Variants in FSTL5 observed in about 807,000 individuals in gnomAD.
FSTL5 encodes follistatin like 5.
A neutral mutation model predicts 89.1 loss-of-function variants in FSTL5; 62 were observed. That is an observed-to-expected ratio of 0.70 (90% CI 0.57 to 0.86). FSTL5 has a LOEUF of 0.86. Among genes scored for constraint, FSTL5 ranks in the 40% least tolerant of loss-of-function variants. The pLI, the probability that FSTL5 is intolerant of heterozygous loss-of-function variation, is 0.00. For synonymous variants in FSTL5, 383 were observed against 346.2 expected (o/e 1.11, Z -1.18); for missense variants, 1,057 against 1,001.6 (o/e 1.06, Z -0.75).
At chr4:162,115,769 C>A (rs1040442806) in intron 1 of FSTL5, among the ~76,000 whole-genome samples, 2 of 152,114 alleles carry the variant, frequency 1.3e-5, no homozygotes, top group Non-Finnish European at 2.9e-5. Context: ...TAATATGTTT[C>A]TTTGAATCAA....
intron 15 of FSTL5, among the ~76,000 whole-genome samples, chr4:161,425,978 C>G (rs995620803): frequency 6.6e-6 from 1 of 150,932 alleles, no homozygotes; most frequent in African/African-American, 2.4e-5. Context: ...AAAAAAAGGA[C>G]AGATTATTTG....
intron 15 of FSTL5, among the ~76,000 whole-genome samples, chr4:161,433,748 T>C (rs1732461713): frequency 6.6e-6 from 1 of 152,094 alleles, no homozygotes; most frequent in Admixed American, 6.5e-5. Context: ...ATCAGTAGCA[T>C]TTGTATGTGC....
At chr4:161,827,350 G>A (rs962942582) in intron 4 of FSTL5, among the ~76,000 whole-genome samples, 4 of 152,220 alleles carry the variant, frequency 2.6e-5, no homozygotes, top group Admixed American at 1.3e-4. Context: ...TCTGGTGGAG[G>A]TGGCAGGGGA....
At chr4:161,921,204 G>A (rs958023124) in intron 3 of FSTL5, among the ~76,000 whole-genome samples, 1 of 152,188 alleles carries the variant, frequency 6.6e-6, no homozygotes, top group African/African-American at 2.4e-5. Context: ...GAAGACAGGA[G>A]TGGAAAATAA....
At chr4:161,959,932 C>T (rs910090969) in intron 3 of FSTL5, among the ~76,000 whole-genome samples, 2 of 152,018 alleles carry the variant, frequency 1.3e-5, no homozygotes, top group African/African-American at 4.8e-5. Context: ...TTCTCCTATT[C>T]CTGTCAAGAC....
chr4:161,663,121 G>A (rs1024342557), intron 6 of FSTL5, among the ~76,000 whole-genome samples: 1 of 152,026 alleles, frequency 6.6e-6, no homozygotes, highest in Admixed American at 6.6e-5. Context: ...AGAATTCCGG[G>A]AGATAGGATT....
At chr4:162,146,960 T>G (rs988216270) in intron 1 of FSTL5, among the ~76,000 whole-genome samples, 1 of 151,936 alleles carries the variant, frequency 6.6e-6, no homozygotes, top group African/African-American at 2.4e-5. Flanking sequence ...TTTTTGTATT[T>G]TAATAGAGAT....
At chr4:161,987,567 AAT>A (rs1263201521) in intron 3 of FSTL5, among the ~76,000 whole-genome samples, 2 of 147,506 alleles carry the variant, frequency 1.4e-5, no homozygotes, top group Non-Finnish European at 3.0e-5. Flanking sequence ...ACTTTATTGA[AAT>A]ATATATAAAG....
rs1471171567 is a variant in FSTL5 at position 161,394,627 on chromosome 4, CTAGT to C, written c.1842-8182_1842-8179del. 2.6e-5 allele frequency among the ~76,000 whole-genome samples: 4 copies of C among 152,138 alleles called. No individual in the cohort carries two copies. The East Asian group carries it at 5.8e-4, about 22-fold the overall frequency. ...GTAAAGGTTACACATATGATCAATACTAGTTAATGTATTATTATTTTCCAATTAC... is the reference window on the plus strand; with the variant it reads ...GTAAAGGTTACACATATGATCAATACTAATGTATTATTATTTTCCAATTAC... On this transcript the variant is annotated intron_variant, in intron 15 of 15. Transcript: ENST00000306100.
At chr4:162,155,124 G>T (rs1733417300) in intron 1 of FSTL5, among the ~76,000 whole-genome samples, 1 of 152,122 alleles carries the variant, frequency 6.6e-6, no homozygotes, top group Admixed American at 6.5e-5. Context: ...AATAGACCAT[G>T]GCAAAGGTAA....
intron 7 of FSTL5, among the ~76,000 whole-genome samples, chr4:161,611,172 GTATATATGTA>G (rs1380484382): frequency 1.4e-5 from 2 of 143,622 alleles, no homozygotes; most frequent in African/African-American, 5.2e-5. Flanking sequence ...ATATATATGT[GTATATATGTA>G]TATATGTGTA....
intron 1 of FSTL5, among the ~76,000 whole-genome samples, chr4:162,135,384 C>T (rs1433001133): frequency 6.6e-6 from 1 of 151,812 alleles, no homozygotes; most frequent in Non-Finnish European, 1.5e-5. Context: ...TTATAAAATA[C>T]ATGTGAGAAA....
chr4:161,518,807 A>G (rs1358680156), intron 10 of FSTL5, among the ~76,000 whole-genome samples: 1 of 152,224 alleles, frequency 6.6e-6, no homozygotes, highest in East Asian at 1.9e-4. Flanking sequence ...GCTTAAAACA[A>G]CAATAAACAT....
chr4:161,905,867 T>C (rs564563095), intron 4 of FSTL5, among the ~76,000 whole-genome samples: 5 of 152,188 alleles, frequency 3.3e-5, no homozygotes, highest in African/African-American at 7.2e-5. Context: ...GATTTTGACA[T>C]ACAAATTCTG....
At chr4:161,917,326 A>G (rs1733868989) in intron 4 of FSTL5, among the ~76,000 whole-genome samples, 1 of 152,220 alleles carries the variant, frequency 6.6e-6, no homozygotes, top group Non-Finnish European at 1.5e-5. Flanking sequence ...TTGAAGTGCA[A>G]ATCAGTAAGG....
intron 5 of FSTL5, among the ~76,000 whole-genome samples, chr4:161,769,731 C>G (rs10020536): frequency 0.03 from 4,491 of 151,890 alleles, 74 homozygotes; most frequent in African/African-American, 0.039. Context: ...AACTGAAAGC[C>G]TTTTCTCTAA....
chr4:161,387,887 T>C (rs1560870349), intron 15 of FSTL5: 1 of 152,080 alleles, frequency 6.6e-6, no homozygotes. Flanking sequence ...AATTCTTCTA[T>C]ATGAATGAAA....
intron 10 of FSTL5, among the ~76,000 whole-genome samples, chr4:161,520,107 T>G (rs2126514329): frequency 6.6e-6 from 1 of 152,180 alleles, no homozygotes; most frequent in Non-Finnish European, 1.5e-5. Flanking sequence ...GAACTCTCCT[T>G]ATCATTGCAG....
intron 12 of FSTL5, among the ~76,000 whole-genome samples, chr4:161,494,972 G>A (rs1443006578): frequency 6.6e-6 from 1 of 152,048 alleles, no homozygotes; most frequent in African/African-American, 2.4e-5. Flanking sequence ...TAAGGTAGAA[G>A]GATCACTTGA....
Sources: gnomAD v4.1 joint callset for allele counts (sites outside exome capture counted in the v4.1 genomes callset) on GRCh38, gnomAD v4.1.1 for gene constraint, MANE v1.5 for transcripts, NCBI Gene and HGNC (gene_info 2026-07-23, HGNC 2026-07-21) for gene names.